The following DAB1 variants were observed in gnomAD, a reference collection of about 807,000 sequenced individuals.
DAB1 encodes DAB adaptor protein 1.
In DAB1, 15 loss-of-function variants were observed where a neutral mutation model predicts 64.6. The ratio of observed to expected loss-of-function variants is 0.23; its 90% confidence interval spans 0.16 to 0.36. The LOEUF (loss-of-function observed/expected upper bound fraction) is 0.36, where lower values mean the gene tolerates loss of function less well. Ranked by LOEUF, DAB1 falls within the 10% of genes least tolerant of loss-of-function variation. DAB1 has a pLI of 1.00. For missense variants in DAB1, 596 were observed against 706.7 expected (o/e 0.84, Z 1.78); for synonymous variants, 235 against 251.9 (o/e 0.93, Z 0.64).
chr1:57,048,903 C>T (rs1328851583), intron 9 of DAB1, among the ~76,000 whole-genome samples: 1 of 152,196 alleles, frequency 6.6e-6, no homozygotes, highest in African/African-American at 2.4e-5. Flanking sequence ...AACAAGACAG[C>T]AGGCAACTGC....
intron 5 of DAB1, among the ~76,000 whole-genome samples, chr1:58,053,442 C>T (rs1647839564): frequency 1.3e-5 from 2 of 152,088 alleles, no homozygotes; most frequent in Non-Finnish European, 1.5e-5. Context: ...GAGTGCCAGC[C>T]TCTTTTTCAA....
At chr1:58,013,315 G>A (rs1446064986) in intron 5 of DAB1, among the ~76,000 whole-genome samples, 1 of 152,104 alleles carries the variant, frequency 6.6e-6, no homozygotes, top group Non-Finnish European at 1.5e-5. Context: ...GTAATGTATT[G>A]TTTCCCATTA....
intron 5 of DAB1, among the ~76,000 whole-genome samples, chr1:58,120,191 T>C (rs1557658774): frequency 6.6e-6 from 1 of 152,112 alleles, no homozygotes; most frequent in East Asian, 1.9e-4. Flanking sequence ...GAGTCACGAT[T>C]TCCTCACTCC....
intron 5 of DAB1, among the ~76,000 whole-genome samples, chr1:57,970,474 G>A (rs1420670678): frequency 3.3e-5 from 5 of 152,032 alleles, no homozygotes; most frequent in African/African-American, 1.2e-4. Flanking sequence ...ATATTCTGAA[G>A]CCACAATCAA....
At chr1:57,845,119 C>T (rs1224880303) in intron 1 of DAB1, among the ~76,000 whole-genome samples, 1 of 152,180 alleles carries the variant, frequency 6.6e-6, no homozygotes, top group Non-Finnish European at 1.5e-5. Context: ...TTCCCAGTCT[C>T]ATTCATGATA....
intron 7 of DAB1, among the ~76,000 whole-genome samples, chr1:57,468,985 C>T (rs955715537): frequency 8.5e-5 from 13 of 152,200 alleles, no homozygotes; most frequent in African/African-American, 2.9e-4. Flanking sequence ...AACTTATTCA[C>T]TCTGTTAGAG....
At chr1:58,160,419 A>C (rs1270433017) in intron 4 of DAB1, among the ~76,000 whole-genome samples, 1 of 152,156 alleles carries the variant, frequency 6.6e-6, no homozygotes, top group Non-Finnish European at 1.5e-5. Flanking sequence ...GGATAGAGTA[A>C]TGCCACTCAA....
chr1:58,390,002 C>T (rs1357304520), intron 3 of DAB1, among the ~76,000 whole-genome samples: 3 of 152,064 alleles, frequency 2.0e-5, no homozygotes, highest in Admixed American at 6.5e-5. Flanking sequence ...TACATAGCTC[C>T]CTGGTTCCTC....
At chr1:57,082,749 G>C (rs1399447225) in intron 4 of DAB1, among the ~76,000 whole-genome samples, 1 of 152,040 alleles carries the variant, frequency 6.6e-6, no homozygotes, top group Admixed American at 6.6e-5. Flanking sequence ...TAATTGTTCA[G>C]CTCCCACTTA....
At chr1:57,872,217 CAT>C (rs546632650) in intron 1 of DAB1, among the ~76,000 whole-genome samples, 93 of 152,278 alleles carry the variant, frequency 6.1e-4, no homozygotes, top group Admixed American at 2.9e-3. Flanking sequence ...TCCTAAAACT[CAT>C]GTGTTAAAAC....
At chr1:58,261,784 TG>T (rs1195153879) in intron 4 of DAB1, among the ~76,000 whole-genome samples, 1 of 152,200 alleles carries the variant, frequency 6.6e-6, no homozygotes, top group Non-Finnish European at 1.5e-5. Context: ...CTTGAACTCC[TG>T]GGCTCAAGCA....
At chr1:57,068,439 A>C (rs1053367805) in intron 8 of DAB1, among the ~76,000 whole-genome samples, 7 of 152,204 alleles carry the variant, frequency 4.6e-5, no homozygotes, top group African/African-American at 1.7e-4. Context: ...AGTCATTTAG[A>C]ATTCTATGCA....
intron 4 of DAB1, among the ~76,000 whole-genome samples, chr1:58,198,424 C>A (rs1657811682): frequency 6.6e-6 from 1 of 152,158 alleles, no homozygotes; most frequent in Non-Finnish European, 1.5e-5. Flanking sequence ...AAGACAGATT[C>A]ATTGTGGATA....
chr1:57,347,787 T>A (rs972736244), intron 1 of DAB1, among the ~76,000 whole-genome samples: 1 of 150,898 alleles, frequency 6.6e-6, no homozygotes, highest in African/African-American at 2.4e-5. Flanking sequence ...ATTTCAAGAT[T>A]TTTTTTTTAA....
At chr1:57,277,434 C>G (rs1671555425) in intron 2 of DAB1, among the ~76,000 whole-genome samples, 1 of 152,114 alleles carries the variant, frequency 6.6e-6, no homozygotes, top group Admixed American at 6.5e-5. Context: ...ACAGCCTCAA[C>G]CTGACCAAAA....
At chr1:57,719,856 G>A (rs1471820012) in intron 6 of DAB1, among the ~76,000 whole-genome samples, 5 of 152,236 alleles carry the variant, frequency 3.3e-5, no homozygotes, top group African/African-American at 1.2e-4. Flanking sequence ...AGGAAACTAA[G>A]AAAGCAGAAT....
intron 1 of DAB1, among the ~76,000 whole-genome samples, chr1:57,374,868 T>C (rs1282146207): frequency 6.6e-6 from 1 of 152,162 alleles, no homozygotes; most frequent in Non-Finnish European, 1.5e-5. Flanking sequence ...TCCGGGAGTG[T>C]AGCTAAAGCC....
intron 4 of DAB1, among the ~76,000 whole-genome samples, chr1:57,077,250 T>C (rs1298230228): frequency 6.6e-6 from 1 of 152,208 alleles, no homozygotes; most frequent in African/African-American, 2.4e-5. Flanking sequence ...GGAGAACATC[T>C]ATGCACATGT....
intron 7 of DAB1, among the ~76,000 whole-genome samples, chr1:57,481,635 G>A (rs561932086): frequency 6.6e-6 from 1 of 152,132 alleles, no homozygotes; most frequent in South Asian, 2.1e-4. Context: ...TGGCCAACAT[G>A]GTGAAACCCT....
Sources: allele counts gnomAD v4.1 joint callset (sites outside exome capture counted in the v4.1 genomes callset), GRCh38; gene constraint gnomAD v4.1.1; transcripts MANE v1.5; gene names NCBI Gene and HGNC (gene_info 2026-07-23, HGNC 2026-07-21).